The following MSRA variants were observed in gnomAD, a reference collection of about 807,000 sequenced individuals.
MSRA encodes the protein mitochondrial peptide methionine sulfoxide reductase.
A neutral mutation model predicts 31.3 loss-of-function variants in MSRA; 54 were observed. That is an observed-to-expected ratio of 1.73 (90% CI 1.39 to 2.17). The LOEUF is 2.17. MSRA is among the 30% of genes most tolerant of loss of function. The pLI is 0.00. For missense variants in MSRA, 507 were observed against 300.9 expected (o/e 1.69, Z -5.07); for synonymous variants, 169 against 116.5 (o/e 1.45, Z -2.90).
intron 3 of MSRA, among the ~76,000 whole-genome samples, chr8:10,293,663 A>T (rs1172150114): frequency 6.6e-6 from 1 of 152,148 alleles, no homozygotes; most frequent in Non-Finnish European, 1.5e-5. Context: ...CCTCTTCCTC[A>T]GCTGTACTGC....
chr8:10,221,434 G>A (rs1585202978), intron 2 of MSRA, among the ~76,000 whole-genome samples: 1 of 137,244 alleles, frequency 7.3e-6, no homozygotes, highest in African/African-American at 2.6e-5. Flanking sequence ...ATGTATATAT[G>A]TGTATATATA....
At chr8:10,199,730 G>C (rs1189243803) in intron 1 of MSRA, among the ~76,000 whole-genome samples, 2 of 152,142 alleles carry the variant, frequency 1.3e-5, no homozygotes, top group Non-Finnish European at 2.9e-5. Context: ...TTTGCATAAT[G>C]CTTTATTCTA....
intron 3 of MSRA, among the ~76,000 whole-genome samples, chr8:10,281,687 C>T (rs1799631462): frequency 3.9e-5 from 6 of 152,164 alleles, no homozygotes; most frequent in South Asian, 4.1e-4. Context: ...ACACAATGAC[C>T]GGGTTCTATG....
chr8:10,379,705 T>C (rs958139229), intron 5 of MSRA, among the ~76,000 whole-genome samples: 2 of 152,126 alleles, frequency 1.3e-5, no homozygotes, highest in African/African-American at 4.8e-5. Context: ...AACACTAAGA[T>C]TATTTTGTTA....
chr8:10,361,782 A>T (rs185587341), intron 5 of MSRA, among the ~76,000 whole-genome samples: 76 of 152,338 alleles, frequency 5.0e-4, no homozygotes, highest in African/African-American at 1.8e-3. Context: ...CTTAATAAAT[A>T]TATATGACTT....
At chr8:10,291,110 A>G (rs1413935510) in intron 3 of MSRA, among the ~76,000 whole-genome samples, 1 of 152,206 alleles carries the variant, frequency 6.6e-6, no homozygotes, top group Non-Finnish European at 1.5e-5. Flanking sequence ...TCTTTGTACC[A>G]GTTAGAAACC....
At chr8:10,328,027 ATTTTTTTT>A (rs35940076) in intron 5 of MSRA, among the ~76,000 whole-genome samples, 11 of 65,334 alleles carry the variant, frequency 1.7e-4, no homozygotes, top group South Asian at 1.4e-3. Context: ...CTCTATGGTA[ATTTTTTTT>A]TTTTTTTTTT....
chr8:10,355,440 T>C (rs567730480), intron 5 of MSRA, among the ~76,000 whole-genome samples: 1 of 152,346 alleles, frequency 6.6e-6, no homozygotes, highest in South Asian at 2.1e-4. Flanking sequence ...AAAAGAACGA[T>C]GTGTCGGAGG....
At chr8:10,195,856 G>A (rs938164222) in intron 1 of MSRA, among the ~76,000 whole-genome samples, 7 of 152,178 alleles carry the variant, frequency 4.6e-5, no homozygotes, top group African/African-American at 1.2e-4. Flanking sequence ...GCCAGAATTC[G>A]TTTTCACGAA....
intron 3 of MSRA, among the ~76,000 whole-genome samples, chr8:10,248,292 G>A (rs1177875272): frequency 2.6e-5 from 4 of 152,224 alleles, no homozygotes; most frequent in African/African-American, 7.2e-5. Context: ...ATTGTGTGCA[G>A]ATTCCTTCTC....
intron 1 of MSRA, 27 bp downstream of exon 1, chr8:10,054,685 G>C (rs769096629): frequency 3.0e-5 from 44 of 1,487,316 alleles, no homozygotes; most frequent in Non-Finnish European, 3.7e-5. Flanking sequence ...CGGAAGGCGC[G>C]GGCGGCGACG....
At chr8:10,259,617 AC>A (rs1160222249) in intron 3 of MSRA, among the ~76,000 whole-genome samples, 1 of 152,004 alleles carries the variant, frequency 6.6e-6, no homozygotes, top group Non-Finnish European at 1.5e-5. Context: ...ATTTTTCTGG[AC>A]ATTTGGGAAA....
chr8:10,398,256 C>T (rs1005502119), intron 5 of MSRA, among the ~76,000 whole-genome samples: 1 of 152,206 alleles, frequency 6.6e-6, no homozygotes, highest in African/African-American at 2.4e-5. Context: ...GTAAGCCATT[C>T]CATTATCAGA....
intron 1 of MSRA, among the ~76,000 whole-genome samples, chr8:10,126,464 G>A (rs1801503763): frequency 6.6e-6 from 1 of 152,128 alleles, no homozygotes; most frequent in African/African-American, 2.4e-5. Context: ...GATGGTTTCA[G>A]GATGCGGCTG....
chr8:10,072,508 G>A (rs542177218), intron 1 of MSRA, among the ~76,000 whole-genome samples: 214 of 152,206 alleles, frequency 1.4e-3, no homozygotes, highest in Non-Finnish European at 2.0e-3. Flanking sequence ...GGTTATGATG[G>A]TTATATCGCA....
intron 1 of MSRA, 86 bp downstream of exon 1, chr8:10,054,744 G>A: frequency 1.5e-6 from 2 of 1,336,978 alleles, no homozygotes; most frequent in Non-Finnish European, 1.9e-6. Flanking sequence ...CTGCCCGGAA[G>A]GAAGCCGTGG....
At chr8:10,250,158 A>G (rs945378889) in intron 3 of MSRA, among the ~76,000 whole-genome samples, 3 of 152,162 alleles carry the variant, frequency 2.0e-5, no homozygotes, top group Admixed American at 6.6e-5. Context: ...ATGCAAACCA[A>G]CTGATTAACT....
intron 5 of MSRA, chr8:10,320,333 T>C (rs1801978669): frequency 6.2e-6 from 1 of 161,532 alleles, no homozygotes; most frequent in Admixed American, 6.5e-5. Context: ...CCAGGCATGG[T>C]GGCCTGCACC....
intron 3 of MSRA, among the ~76,000 whole-genome samples, chr8:10,267,474 T>A (rs1798806824): frequency 6.6e-6 from 1 of 151,986 alleles, no homozygotes; most frequent in Non-Finnish European, 1.5e-5. Flanking sequence ...GGAGTAGGAG[T>A]CCTTAGCACC....
Sources: allele counts gnomAD v4.1 joint callset (sites outside exome capture counted in the v4.1 genomes callset), GRCh38; gene constraint gnomAD v4.1.1; transcripts MANE v1.5; gene names NCBI Gene and HGNC (gene_info 2026-07-23, HGNC 2026-07-21).